The following VWA8 variants were observed in gnomAD, a reference collection of about 807,000 sequenced individuals.
VWA8 encodes the protein von Willebrand factor A domain-containing protein 8.
In VWA8, 221 loss-of-function variants were observed where a neutral mutation model predicts 241.5. The observed-to-expected ratio is 0.91, with a 90% CI of 0.82 to 1.02. VWA8 has a LOEUF of 1.02. VWA8 is among the 50% of genes least tolerant of loss of function. The pLI is 0.00. For missense variants in VWA8, 2,322 were observed against 2,328.7 expected (o/e 1.00, Z 0.06); for synonymous variants, 852 against 827.1 (o/e 1.03, Z -0.52).
At chr13:41,570,386 G>T in intron 44 of VWA8, 82 bp downstream of exon 44, 1 of 1,281,836 alleles carries the variant, frequency 7.8e-7, no homozygotes, top group Non-Finnish European at 1.1e-6. Context: ...GTCCCTCATG[G>T]TGCTAAGCCT....
chr13:41,791,283 TA>T (rs1406658139), intron 17 of VWA8, among the ~76,000 whole-genome samples: 2 of 151,938 alleles, frequency 1.3e-5, no homozygotes, highest in Non-Finnish European at 2.9e-5. Context: ...TATTCATTTC[TA>T]GTTGAAAGGG....
intron 37 of VWA8, among the ~76,000 whole-genome samples, chr13:41,650,609 T>A (rs78684201): frequency 6.6e-6 from 1 of 152,348 alleles, no homozygotes; most frequent in East Asian, 1.9e-4. Context: ...TAATTGTACA[T>A]CCATTTACTG....
intron 11 of VWA8, 22 bp from the exon 12 acceptor site, chr13:41,865,835 C>T: frequency 6.2e-7 from 1 of 1,614,110 alleles, no homozygotes; most frequent in Non-Finnish European, 8.5e-7. Flanking sequence ...AAAAATTATT[C>T]AAGAGGTAAG....
rs537196813 is a variant in VWA8 at position 41,812,948 on chromosome 13, T to C, written c.1948-1608A>G. ...TAAGTGGAACAGTAGACAGCTGTTA[T>C]AGGCAGTTAAAATATTCAAATGGGC... On this transcript the variant is annotated intron_variant, in intron 16 of 44. Coordinates refer to ENST00000379310, the MANE Select transcript of VWA8 (RefSeq NM_015058.2). Among the ~76,000 whole-genome samples the C allele has an allele frequency of 4.6e-5, 7 of 152,292 alleles. No homozygotes were observed. The South Asian group carries it at 1.0e-3, about 23-fold the overall frequency.
intron 2 of VWA8, among the ~76,000 whole-genome samples, chr13:41,932,479 C>T (rs1010279381): frequency 5.9e-5 from 9 of 152,064 alleles, no homozygotes; most frequent in East Asian, 1.9e-4. Context: ...ACCCTCATAT[C>T]GAAATCTGAC....
intron 12 of VWA8, among the ~76,000 whole-genome samples, chr13:41,842,891 G>A (rs1872123896): frequency 1.3e-5 from 2 of 152,310 alleles, no homozygotes; most frequent in South Asian, 2.1e-4. Flanking sequence ...AACAATGGGA[G>A]TAAGGGAGCA....
rs1874658362 is a variant in VWA8, at chr13:41,888,552, C to T, written c.652-1191G>A. Among the ~76,000 whole-genome samples the T allele has an allele frequency of 2.6e-5, 4 of 152,196 alleles. No individual in the cohort carries two copies. The South Asian group carries it at 6.2e-4, about 24-fold the overall frequency. On this transcript the variant is annotated intron_variant, in intron 5 of 44. Coordinates refer to ENST00000379310, the MANE Select transcript of VWA8 (RefSeq NM_015058.2). ...CATCTTCTTGGAACAACACCCTTTT[C>T]ACTCGCACACCGTAAACACAAGGGT...
intron 4 of VWA8, among the ~76,000 whole-genome samples, chr13:41,902,246 C>T (rs558771692): frequency 2.6e-5 from 4 of 151,938 alleles, no homozygotes; most frequent in Admixed American, 2.6e-4. Flanking sequence ...CATCTAATGT[C>T]AAAAGGAGAT....
At chr13:41,726,974 G>T (rs1486233196) in intron 24 of VWA8, among the ~76,000 whole-genome samples, 1 of 152,052 alleles carries the variant, frequency 6.6e-6, no homozygotes, top group East Asian at 1.9e-4. Context: ...CAGTCTGGGT[G>T]ACAGAGCGAG....
chr13:41,806,527 C>T (rs901478337), intron 17 of VWA8, among the ~76,000 whole-genome samples: 1 of 152,172 alleles, frequency 6.6e-6, no homozygotes, highest in Admixed American at 6.5e-5. Context: ...TATGGTGAAA[C>T]CCCATCTCTA....
intron 42 of VWA8, among the ~76,000 whole-genome samples, chr13:41,581,227 CT>C (rs1197426581): frequency 1.3e-5 from 1 of 78,380 alleles, no homozygotes; most frequent in Non-Finnish European, 2.1e-5. Flanking sequence ...TGGTCTCGAT[CT>C]CCTGACCTCG....
intron 21 of VWA8, among the ~76,000 whole-genome samples, chr13:41,747,506 A>G (rs549757017): frequency 1.3e-5 from 2 of 152,142 alleles, no homozygotes; most frequent in African/African-American, 2.4e-5. Context: ...GGGCTGAGAC[A>G]ATGGGGTTTT....
chr13:41,663,188 T>A (rs1354236532), intron 37 of VWA8, among the ~76,000 whole-genome samples: 1 of 151,986 alleles, frequency 6.6e-6, no homozygotes, highest in African/African-American at 2.4e-5. Flanking sequence ...CATTTTAAAG[T>A]CAAAGAAAGA....
At chr13:41,605,084 G>A in intron 40 of VWA8, 84 bp downstream of exon 40, 2 of 1,357,574 alleles carry the variant, frequency 1.5e-6, no homozygotes, top group Non-Finnish European at 2.1e-6. Context: ...GCTAATTAGG[G>A]TTCAGATAAT....
rs1436943904 is a variant in VWA8, at chr13:41,941,524, AC to A, written c.241+8411del. 2.0e-5 allele frequency among the ~76,000 whole-genome samples: 3 copies of A among 152,378 alleles called. No homozygotes were observed. The East Asian group carries it at 5.8e-4, about 29-fold the overall frequency. ...CCTACGGCCATTTGTAATCCTGCAAACAACCTAAATTAAAAATCAAATTTAG... is the reference window on the plus strand; with the variant it reads ...CCTACGGCCATTTGTAATCCTGCAAAAACCTAAATTAAAAATCAAATTTAG... On this transcript the variant is annotated intron_variant, in intron 2 of 44. Transcript: ENST00000379310.
At chr13:41,922,944 CA>C (rs1876629101) in intron 2 of VWA8, among the ~76,000 whole-genome samples, 1 of 152,278 alleles carries the variant, frequency 6.6e-6, no homozygotes, top group Admixed American at 6.5e-5. Flanking sequence ...GGTATATACC[CA>C]AAGGATTACA....
chr13:41,640,314 A>G (rs191146832), intron 37 of VWA8, among the ~76,000 whole-genome samples: 2 of 152,310 alleles, frequency 1.3e-5, no homozygotes, highest in East Asian at 3.9e-4. Context: ...AAATAAAAAG[A>G]AACAGTTTAA....
chr13:41,791,403 T>C (rs374697445), intron 17 of VWA8, among the ~76,000 whole-genome samples: 1 of 151,920 alleles, frequency 6.6e-6, no homozygotes, highest in East Asian at 1.9e-4. Context: ...AAGTAACCAA[T>C]TTTTGTTTTT....
chr13:41,849,683 T>C (rs1872443731), intron 12 of VWA8, among the ~76,000 whole-genome samples: 1 of 152,034 alleles, frequency 6.6e-6, no homozygotes, highest in Admixed American at 6.6e-5. Context: ...GGTCAGGAGT[T>C]CAAGACCAGC....
Sources: allele counts gnomAD v4.1 joint callset (sites outside exome capture counted in the v4.1 genomes callset), GRCh38; gene constraint gnomAD v4.1.1; transcripts MANE v1.5; gene names NCBI Gene and HGNC (gene_info 2026-07-23, HGNC 2026-07-21).